MYBL1: variants seen among roughly 807,000 people sequenced by gnomAD.
MYBL1 encodes MYB proto-oncogene like 1, also known as myb-related protein A.
Under a neutral mutation model 96.3 loss-of-function variants are expected in MYBL1, and 17 were observed. The ratio of observed to expected loss-of-function variants is 0.18; its 90% CI spans 0.12 to 0.26. The LOEUF (loss-of-function observed/expected upper bound fraction) is 0.26, where lower values mean the gene tolerates loss of function less well. Ranked by LOEUF, MYBL1 falls within the 10% of genes least tolerant of loss-of-function variation. The pLI is 1.00. For synonymous variants in MYBL1, 282 were observed against 292.7 expected (o/e 0.96, Z 0.37); for missense variants, 701 against 882.9 (o/e 0.79, Z 2.61).
intron 3 of MYBL1, among the ~76,000 whole-genome samples, 175 bp from the exon 4 acceptor site, chr8:66,599,317 A>G (rs1425369682): frequency 6.6e-6 from 1 of 152,224 alleles, no homozygotes; most frequent in Non-Finnish European, 1.5e-5. Context: ...GTTTTTTCTT[A>G]ATTATAGTAG....
intron 9 of MYBL1, among the ~76,000 whole-genome samples, chr8:66,579,516 G>C (rs1221061497): frequency 6.6e-6 from 1 of 151,930 alleles, no homozygotes; most frequent in Non-Finnish European, 1.5e-5. Context: ...AATTAGCTGG[G>C]TGTGGTGGCA....
Position 66,576,125 on chromosome 8 carries a change from C to A in MYBL1, c.1352G>T (p.Arg451Ile). The A allele has an allele frequency of 6.2e-7, 1 of 1,613,960 alleles. No individual in the cohort carries two copies. Among genetic ancestry groups the A allele is most frequent in the East Asian group, 2.2e-5 (1 of 44,876 alleles). ...STPPAILRKK[R>I]KMRVGHSPGS... ...TGGGGAATGACCCACTCGCATTTTT[C>A]TCTTCTTTCTGAGGATGGCTGGTGG... The change falls in exon 10 of 16, where the codon AGA (arginine) becomes ATA (isoleucine). Residue 451 changes from arginine to isoleucine, a missense_variant. By Grantham distance (97) the Arg-to-Ile change is moderately conservative (BLOSUM62 -3). Transcript: ENST00000522677.
At chr8:66,611,291 T>G (rs1040946580) in intron 1 of MYBL1, among the ~76,000 whole-genome samples, 47 of 152,312 alleles carry the variant, frequency 3.1e-4, no homozygotes, top group African/African-American at 1.1e-3. Context: ...CATATTCAAT[T>G]GTCATCTTAT....
At chr8:66,582,531 T>G (rs1316179319) in intron 8 of MYBL1, among the ~76,000 whole-genome samples, 1 of 75,424 alleles carries the variant, frequency 1.3e-5, no homozygotes, top group African/African-American at 5.4e-5. Flanking sequence ...ATGGCAAAAC[T>G]CCATCTCTAC....
intron 8 of MYBL1, among the ~76,000 whole-genome samples, chr8:66,590,669 T>G (rs895431446): frequency 3.3e-5 from 5 of 149,878 alleles, no homozygotes; most frequent in African/African-American, 1.2e-4. Context: ...AGTGAGAGAG[T>G]GAGACTCTGT....
chr8:66,613,006 G>A lies in MYBL1; in HGVS notation c.-168C>T. Reference sequence around the variant, plus strand: ...GACAGGGCAGGACGGAGGGACAGCGGGGGCGGACCGCGACCCGACCCCGAC... The same window carrying A: ...GACAGGGCAGGACGGAGGGACAGCGAGGGCGGACCGCGACCCGACCCCGAC... On this transcript the variant is annotated 5_prime_UTR_variant, in exon 1 of 16. Transcript: ENST00000522677. 4 of 764,556 alleles carry A rather than the reference G, an allele frequency of 5.2e-6. No individual in the cohort carries two copies. The highest frequency in any genetic ancestry group is 6.1e-5 in the South Asian group (1 of 16,428). The allele number at this position is 764,556 out of a possible 1,614,324, so 47.4% of individuals were successfully genotyped here. A position where few individuals can be genotyped will look rare whatever the true frequency, so the allele number is the denominator to read the frequency against.
chr8:66,597,588 C>T (rs1409256454), intron 4 of MYBL1, 38 bp from the exon 5 acceptor site: 7 of 1,270,608 alleles, frequency 5.5e-6, no homozygotes, highest in Non-Finnish European at 7.8e-6. Context: ...AAAGCATTAC[C>T]TTCAAAGAAT....
In MYBL1 at chr8:66,566,686, G is replaced by C; in HGVS notation, c.1948C>G (p.Gln650Glu). Reference sequence around the variant, plus strand: ...AACAATAATAATCCTTTACAAACCTGCATGTCTGAAATGTCTTCAGTCAAC... The same window carrying C: ...AACAATAATAATCCTTTACAAACCTCCATGTCTGAAATGTCTTCAGTCAAC... The part of the protein sequence containing the change: ...QLLTEDISDM[Q>E]SENRFTTSLL... The change falls in exon 14 of 16, where the codon CAG becomes GAG. Residue 650 changes from glutamine to glutamate, a missense_variant and splice_region_variant. Physicochemically the swap from Gln to Glu is conservative, Grantham distance 29 (BLOSUM62 2). Transcript: ENST00000522677. 4 of 1,575,688 alleles carry C rather than the reference G, an allele frequency of 2.5e-6. No homozygotes were observed. Among genetic ancestry groups the C allele is most frequent in the Non-Finnish European group, 2.6e-6 (3 of 1,149,024 alleles).
At chr8:66,585,084 C>CA (rs377138139) in intron 8 of MYBL1, among the ~76,000 whole-genome samples, 1 of 149,614 alleles carries the variant, frequency 6.7e-6, no homozygotes, top group South Asian at 2.1e-4. Context: ...TAATCCTGAG[C>CA]AAAAAAACAA....
intron 1 of MYBL1, among the ~76,000 whole-genome samples, chr8:66,606,681 T>C (rs757249161): frequency 6.6e-6 from 1 of 152,200 alleles, no homozygotes; most frequent in African/African-American, 2.4e-5. Context: ...CATTCCCCTA[T>C]GATCTGCTTC....
In MYBL1 at chr8:66,578,178, T is replaced by G. The variant is rs1809044952; in HGVS notation, c.1102-1803A>C. ...TCAGGACATAGGCATGGACAAGGACTTCATGTCTAAAACACCAAAAGCAAT... is the reference window on the plus strand; with the variant it reads ...TCAGGACATAGGCATGGACAAGGACGTCATGTCTAAAACACCAAAAGCAAT... On this transcript the variant is annotated intron_variant, in intron 9 of 15. Coordinates refer to ENST00000522677, the MANE Select transcript of MYBL1 (RefSeq NM_001080416.4). Among the ~76,000 whole-genome samples, 3 of 151,918 alleles carry G rather than the reference T, an allele frequency of 2.0e-5. No individual in the cohort carries two copies. The South Asian group carries it at 6.2e-4, about 32-fold the overall frequency.
Position 66,564,781 on chromosome 8 carries a change from G to C in MYBL1, c.2175C>G (p.Asp725Glu). ...WETVVYGKTE[D>E]QLIMTEQARR... ...TTGCTTGTTCAGTCATAATAAGTTGGTCTTCTGTCTTCCCATAAACCACTG... is the reference window on the plus strand; with the variant it reads ...TTGCTTGTTCAGTCATAATAAGTTGCTCTTCTGTCTTCCCATAAACCACTG... Residue 725 changes from aspartate to glutamate, a missense_variant, in exon 16 of 16, where the codon GAC becomes GAG. This residue lies in a region of MYBL1 where 137 missense variants were observed against 137.5 expected (regional missense o/e 1.00). Transcript: ENST00000522677. 1 of 1,579,304 alleles carries C rather than the reference G, an allele frequency of 6.3e-7. No individual in the cohort carries two copies. Among genetic ancestry groups the C allele is most frequent in the Non-Finnish European group, 8.6e-7 (1 of 1,158,990 alleles).
rs923746275 is a variant in MYBL1 at position 66,563,530 on chromosome 8, T to A, written c.*1167A>T. The A allele has an allele frequency of 6.6e-6, 1 of 152,508 alleles. No homozygotes were observed. The highest frequency in any genetic ancestry group is 1.5e-5 in the Non-Finnish European group (1 of 67,966). The allele number at this position is 152,508 out of a possible 1,614,324, so 9.4% of individuals were successfully genotyped here. A position where few individuals can be genotyped will look rare whatever the true frequency, so the allele number is the denominator to read the frequency against. On this transcript the variant is annotated 3_prime_UTR_variant, in exon 16 of 16. Transcript: ENST00000522677. ...TTTAAAAAAGGACAAAATATTTTTA[T>A]AAATAAAAGATAATGTTCTCCACTT...
intron 3 of MYBL1, among the ~76,000 whole-genome samples, chr8:66,600,499 C>A (rs1017244883): frequency 2.6e-5 from 4 of 152,160 alleles, no homozygotes; most frequent in Non-Finnish European, 4.4e-5. Flanking sequence ...CTTTTCTAAC[C>A]TAGCTTCCAT....
intron 12 of MYBL1, among the ~76,000 whole-genome samples, chr8:66,572,081 G>T (rs376912768): frequency 2.0e-5 from 3 of 151,596 alleles, no homozygotes; most frequent in African/African-American, 7.3e-5. Flanking sequence ...GGCCGAGGTG[G>T]GGGGGAGGGG....
intron 9 of MYBL1, among the ~76,000 whole-genome samples, chr8:66,577,594 G>A (rs1739028912): frequency 6.6e-6 from 1 of 151,780 alleles, no homozygotes; most frequent in Non-Finnish European, 1.5e-5. Context: ...CAAACAAATG[G>A]AAGAACATTC....
intron 12 of MYBL1, among the ~76,000 whole-genome samples, chr8:66,570,480 C>T (rs987137925): frequency 6.6e-6 from 1 of 152,028 alleles, no homozygotes; most frequent in Non-Finnish European, 1.5e-5. Flanking sequence ...TTTTATTCCA[C>T]TTATATGTTC....
intron 14 of MYBL1, 27 bp from the exon 15 acceptor site, chr8:66,566,270 ATAAC>A: frequency 1.5e-6 from 2 of 1,362,364 alleles, no homozygotes; most frequent in Middle Eastern, 2.3e-4. Context: ...AAAGAGGAAA[ATAAC>A]TAATTCAAAA....
At chr8:66,584,085 T>C (rs1043002644) in intron 8 of MYBL1, among the ~76,000 whole-genome samples, 1 of 152,192 alleles carries the variant, frequency 6.6e-6, no homozygotes, top group Non-Finnish European at 1.5e-5. Flanking sequence ...GATGTAAGGA[T>C]GATTCAACAT....
Sources: gnomAD v4.1 joint callset for allele counts (sites outside exome capture counted in the v4.1 genomes callset) on GRCh38, gnomAD v4.1.1 for gene constraint, gnomAD v4.1.1 regional missense constraint, MANE v1.5 for transcripts, NCBI Gene and HGNC (gene_info 2026-07-23, HGNC 2026-07-21) for gene names.